The following GNAQ variants were observed in gnomAD, a reference collection of about 807,000 sequenced individuals.
GNAQ encodes G protein subunit alpha q.
A neutral mutation model predicts 43.9 loss-of-function variants in GNAQ; 8 were observed. The ratio of observed to expected loss-of-function variants is 0.18; its 90% confidence interval spans 0.11 to 0.33. The LOEUF (loss-of-function observed/expected upper bound fraction) is 0.33. Ranked by LOEUF, GNAQ falls within the 10% of genes least tolerant of loss-of-function variation. The probability of loss-of-function intolerance (pLI) is 1.00; values close to 1 mark genes in which losing one functional copy is unlikely to be tolerated. For missense variants in GNAQ, 158 were observed against 450.8 expected, an observed-to-expected ratio of 0.35 and a Z score of 5.88; for synonymous variants, 155 against 170.7, an observed-to-expected ratio of 0.91 and a Z score of 0.71.
intron 5 of GNAQ, among the ~76,000 whole-genome samples, chr9:77,753,103 A>AAAAG (rs1564099998): frequency 4.0e-5 from 6 of 150,532 alleles, no homozygotes; most frequent in African/African-American, 1.5e-4. Flanking sequence ...AAAAAAAAAA[A>AAAAG]AAAGAAAAAG....
At chr9:78,009,356 T>A (rs1270655309) in intron 1 of GNAQ, among the ~76,000 whole-genome samples, 3 of 152,052 alleles carry the variant, frequency 2.0e-5, no homozygotes, top group Admixed American at 2.0e-4. Flanking sequence ...AGAAGCCCAC[T>A]CCAGAAGGCC....
At chr9:77,926,331 A>G (rs1829072460) in intron 1 of GNAQ, among the ~76,000 whole-genome samples, 1 of 152,198 alleles carries the variant, frequency 6.6e-6, no homozygotes. Flanking sequence ...CTGTTCCCAA[A>G]TTACATAAAA....
intron 1 of GNAQ, among the ~76,000 whole-genome samples, chr9:78,014,074 A>G (rs992965969): frequency 1.3e-5 from 2 of 152,226 alleles, no homozygotes; most frequent in Admixed American, 1.3e-4. Context: ...ACCAACAGTA[A>G]AATTAAAAGC....
intron 1 of GNAQ, among the ~76,000 whole-genome samples, chr9:77,988,741 T>A (rs978350132): frequency 1.3e-5 from 2 of 152,226 alleles, no homozygotes; most frequent in African/African-American, 4.8e-5. Context: ...ACACATGTTA[T>A]AAAAGGTCAA....
chr9:77,945,840 G>A (rs763597115), intron 1 of GNAQ, among the ~76,000 whole-genome samples: 46 of 152,050 alleles, frequency 3.0e-4, no homozygotes, highest in Non-Finnish European at 1.3e-4. Flanking sequence ...GCATCTAAAG[G>A]CTCTAGACTG....
At chr9:77,810,428 A>ACCCC (rs1381001583) in intron 3 of GNAQ, among the ~76,000 whole-genome samples, 1 of 152,154 alleles carries the variant, frequency 6.6e-6, no homozygotes, top group Non-Finnish European at 1.5e-5. Context: ...CTTATGTTAG[A>ACCCC]CGGGGATGCT....
intron 5 of GNAQ, among the ~76,000 whole-genome samples, chr9:77,778,535 G>C (rs1826340855): frequency 6.6e-6 from 1 of 151,676 alleles, no homozygotes; most frequent in Non-Finnish European, 1.5e-5. Flanking sequence ...TAAAGAACAA[G>C]GGCAAACTAG....
chr9:77,952,807 TAATAA>T (rs1822998634), intron 1 of GNAQ, among the ~76,000 whole-genome samples: 1 of 152,128 alleles, frequency 6.6e-6, no homozygotes, highest in Admixed American at 6.5e-5. Flanking sequence ...CATTAATAAA[TAATAA>T]AACAAAATAT....
chr9:77,841,710 G>A (rs768057374), intron 2 of GNAQ, among the ~76,000 whole-genome samples: 5 of 152,230 alleles, frequency 3.3e-5, no homozygotes, highest in East Asian at 3.9e-4. Flanking sequence ...ACTATGCAAC[G>A]CACAGTTTGG....
At chr9:77,931,769 T>G (rs1829156917) in intron 1 of GNAQ, among the ~76,000 whole-genome samples, 1 of 152,210 alleles carries the variant, frequency 6.6e-6, no homozygotes. Context: ...CTGTCCTCTC[T>G]AAGCCTGCTT....
At chr9:77,752,390 C>T (rs996664136) in intron 5 of GNAQ, among the ~76,000 whole-genome samples, 5 of 152,194 alleles carry the variant, frequency 3.3e-5, no homozygotes, top group African/African-American at 4.8e-5. Flanking sequence ...GTCTTGTTCA[C>T]GTGCTGCAAT....
At chr9:77,949,768 C>T (rs559303213) in intron 1 of GNAQ, among the ~76,000 whole-genome samples, 2 of 152,274 alleles carry the variant, frequency 1.3e-5, no homozygotes, top group African/African-American at 4.8e-5. Flanking sequence ...TGCACATTCT[C>T]CTTGTGGGCA....
At chr9:77,882,046 G>A (rs766251378) in intron 2 of GNAQ, among the ~76,000 whole-genome samples, 1 of 152,144 alleles carries the variant, frequency 6.6e-6, no homozygotes, top group East Asian at 1.9e-4. Context: ...GCTGCGGCAG[G>A]AGAACTGCTT....
chr9:77,751,811 CAAACAA>C (rs1375518160), intron 5 of GNAQ, among the ~76,000 whole-genome samples: 37 of 151,956 alleles, frequency 2.4e-4, no homozygotes, highest in African/African-American at 8.2e-4. Context: ...AACAAACAAA[CAAACAA>C]AAAAAACAAA....
At chr9:77,755,126 G>A (rs938590514) in intron 5 of GNAQ, among the ~76,000 whole-genome samples, 2 of 152,150 alleles carry the variant, frequency 1.3e-5, no homozygotes, top group African/African-American at 4.8e-5. Context: ...AAATAAGCCA[G>A]GCATAGAAAG....
intron 1 of GNAQ, among the ~76,000 whole-genome samples, chr9:77,939,480 T>C (rs1341943313): frequency 6.6e-6 from 1 of 152,204 alleles, no homozygotes; most frequent in African/African-American, 2.4e-5. Context: ...AACCTATTGC[T>C]GACTATAAAC....
intron 5 of GNAQ, among the ~76,000 whole-genome samples, chr9:77,789,801 T>C (rs931318272): frequency 6.6e-6 from 1 of 152,192 alleles, no homozygotes; most frequent in Non-Finnish European, 1.5e-5. Context: ...TTTATATGCA[T>C]ACAAAAAGTG....
intron 1 of GNAQ, among the ~76,000 whole-genome samples, chr9:77,951,337 A>C (rs2118382571): frequency 6.6e-6 from 1 of 152,128 alleles, no homozygotes; most frequent in East Asian, 1.9e-4. Context: ...GCCTCAAGTG[A>C]TCTGCCCGCC....
chr9:77,956,816 C>T (rs1415164765), intron 1 of GNAQ, among the ~76,000 whole-genome samples: 9 of 152,190 alleles, frequency 5.9e-5, no homozygotes, highest in Non-Finnish European at 1.0e-4. Context: ...TCCAGGGACA[C>T]ACTGTCTCTT....
Sources: allele counts gnomAD v4.1 joint callset (sites outside exome capture counted in the v4.1 genomes callset), GRCh38; gene constraint gnomAD v4.1.1; transcripts MANE v1.5; gene names NCBI Gene and HGNC (gene_info 2026-07-23, HGNC 2026-07-21).